The following ARHGAP15 variants were observed in gnomAD, a reference collection of about 807,000 sequenced individuals.
The protein encoded by ARHGAP15 is rho GTPase-activating protein 15.
In ARHGAP15, 51 loss-of-function variants were observed where a neutral mutation model predicts 63.7. The ratio of observed to expected loss-of-function variants is 0.80; its 90% CI spans 0.64 to 1.01. The LOEUF (loss-of-function observed/expected upper bound fraction) is 1.01. ARHGAP15 is among the 50% of genes least tolerant of loss of function. The probability of loss-of-function intolerance (pLI) is 0.00; values close to 1 mark genes in which losing one functional copy is unlikely to be tolerated. For synonymous variants in ARHGAP15, 191 were observed against 193.8 expected (o/e 0.99, Z 0.12); for missense variants, 560 against 564.6 (o/e 0.99, Z 0.08).
chr2:143,148,539 T>A (rs1403091886), intron 1 of ARHGAP15, among the ~76,000 whole-genome samples: 3 of 152,016 alleles, frequency 2.0e-5, no homozygotes, highest in African/African-American at 7.3e-5. Context: ...CCATTTAAGA[T>A]GGCCATGTGC....
At chr2:143,725,686 T>C (rs569646246) in intron 13 of ARHGAP15, among the ~76,000 whole-genome samples, 1 of 152,316 alleles carries the variant, frequency 6.6e-6, no homozygotes, top group South Asian at 2.1e-4. Context: ...TTCCTCAAGA[T>C]TTTTTAAGGA....
chr2:143,263,736 G>A (rs1680851792), intron 6 of ARHGAP15, among the ~76,000 whole-genome samples: 1 of 151,794 alleles, frequency 6.6e-6, no homozygotes, highest in African/African-American at 2.4e-5. Context: ...TCTCCTTCCA[G>A]GCCTCTAAAG....
At chr2:143,560,295 G>A (rs1479055789) in intron 11 of ARHGAP15, among the ~76,000 whole-genome samples, 1 of 152,110 alleles carries the variant, frequency 6.6e-6, no homozygotes, top group Non-Finnish European at 1.5e-5. Context: ...AAAGTAAGCA[G>A]CATTTTCATA....
intron 9 of ARHGAP15, among the ~76,000 whole-genome samples, chr2:143,492,080 C>CCATCTCTACTAAA (rs1402405952): frequency 3.9e-5 from 6 of 152,128 alleles, no homozygotes; most frequent in Admixed American, 3.9e-4. Context: ...TGGGGTTTCA[C>CCATCTCTACTAAA]CATGTTGCCC....
chr2:143,304,725 A>T (rs181567814), intron 6 of ARHGAP15, among the ~76,000 whole-genome samples: 151 of 152,300 alleles, frequency 9.9e-4, no homozygotes, highest in African/African-American at 3.5e-3. Flanking sequence ...AAATATATTT[A>T]AAAAGCTCAT....
intron 6 of ARHGAP15, among the ~76,000 whole-genome samples, chr2:143,315,858 G>A (rs927948727): frequency 1.1e-3 from 156 of 144,486 alleles, no homozygotes; most frequent in African/African-American, 4.4e-3. Context: ...GCAGAGGCGG[G>A]TGGATCACCT....
At chr2:143,685,043 A>AG (rs1376189136) in intron 12 of ARHGAP15, among the ~76,000 whole-genome samples, 2 of 152,126 alleles carry the variant, frequency 1.3e-5, no homozygotes, top group Non-Finnish European at 1.5e-5. Flanking sequence ...AATAAAAGTG[A>AG]GGGGGGCACT....
intron 6 of ARHGAP15, among the ~76,000 whole-genome samples, chr2:143,309,196 C>T (rs1037116882): frequency 5.9e-5 from 9 of 152,186 alleles, no homozygotes; most frequent in African/African-American, 2.2e-4. Context: ...TGCTATACCT[C>T]TATTTTTAAA....
At chr2:143,732,067 G>GATGA (rs953157908) in intron 13 of ARHGAP15, among the ~76,000 whole-genome samples, 3 of 152,220 alleles carry the variant, frequency 2.0e-5, no homozygotes, top group African/African-American at 4.8e-5. Context: ...GAATTAGACA[G>GATGA]ATGAATGAAT....
intron 11 of ARHGAP15, chr2:143,587,804 A>G: frequency 2.1e-6 from 1 of 465,242 alleles, no homozygotes; most frequent in South Asian, 1.6e-5. Context: ...ATAATTTGTC[A>G]CTTCATTAAA....
At chr2:143,437,603 T>C (rs927182177) in intron 8 of ARHGAP15, among the ~76,000 whole-genome samples, 1 of 152,198 alleles carries the variant, frequency 6.6e-6, no homozygotes, top group Non-Finnish European at 1.5e-5. Flanking sequence ...GTCTCACTAC[T>C]TACACAGTGA....
intron 11 of ARHGAP15, among the ~76,000 whole-genome samples, chr2:143,562,729 C>T (rs567535463): frequency 6.6e-6 from 1 of 152,276 alleles, no homozygotes; most frequent in East Asian, 1.9e-4. Context: ...TACATTGAGT[C>T]AGGGAGCTCA....
intron 12 of ARHGAP15, among the ~76,000 whole-genome samples, chr2:143,649,332 A>T (rs1329093569): frequency 6.6e-6 from 1 of 152,142 alleles, no homozygotes; most frequent in East Asian, 1.9e-4. Flanking sequence ...CTTTGGAGAA[A>T]CTGACATCTC....
chr2:143,364,782 C>T (rs1225849206), intron 6 of ARHGAP15, among the ~76,000 whole-genome samples: 1 of 152,188 alleles, frequency 6.6e-6, no homozygotes, highest in African/African-American at 2.4e-5. Flanking sequence ...ATTCCCAGCA[C>T]TTTGGGAGGC....
At chr2:143,741,686 A>G (rs1412420767) in intron 13 of ARHGAP15, among the ~76,000 whole-genome samples, 2 of 152,234 alleles carry the variant, frequency 1.3e-5, no homozygotes, top group Non-Finnish European at 2.9e-5. Flanking sequence ...GGAGACTTGC[A>G]TGTCTGCTGC....
At chr2:143,262,496 G>A (rs1289816420) in intron 6 of ARHGAP15, among the ~76,000 whole-genome samples, 2 of 147,320 alleles carry the variant, frequency 1.4e-5, no homozygotes, top group Non-Finnish European at 3.0e-5. Flanking sequence ...GTCTGAAGGA[G>A]TCAATCGGAC....
chr2:143,129,779 A>C (rs966382497), intron 1 of ARHGAP15, among the ~76,000 whole-genome samples: 1 of 152,198 alleles, frequency 6.6e-6, no homozygotes, highest in Non-Finnish European at 1.5e-5. Context: ...TACTAGAAAT[A>C]ATGTGAGACT....
intron 6 of ARHGAP15, among the ~76,000 whole-genome samples, chr2:143,406,412 G>A (rs1392992736): frequency 6.6e-6 from 1 of 151,838 alleles, no homozygotes; most frequent in Non-Finnish European, 1.5e-5. Context: ...GTGTGGCTTT[G>A]GTGGATCATT....
Position 143,719,612 on chromosome 2 carries a change from T to G in ARHGAP15, c.1244+16088T>G, listed in dbSNP as rs568688479. Among the ~76,000 whole-genome samples the G allele has an allele frequency of 7.2e-5, 11 of 152,324 alleles. No individual in the cohort carries two copies. The South Asian group carries it at 2.3e-3, about 32-fold the overall frequency. On this transcript the variant is annotated intron_variant, in intron 13 of 13. Transcript: ENST00000295095. The stretch of plus-strand genomic sequence containing the variant: ...CACGTACTTCCCCTGGTGCTAACTT[T>G]TAAGTCAACAGAAGGGAATTCCATT...
Sources: gnomAD v4.1 joint callset for allele counts (sites outside exome capture counted in the v4.1 genomes callset) on GRCh38, gnomAD v4.1.1 for gene constraint, MANE v1.5 for transcripts, NCBI Gene and HGNC (gene_info 2026-07-23, HGNC 2026-07-21) for gene names.